Variants in STX2 observed in about 807,000 individuals in gnomAD.
STX2 encodes the protein syntaxin-2.
Under a neutral mutation model 40.6 loss-of-function variants are expected in STX2, and 27 were observed. The ratio of observed to expected loss-of-function variants is 0.66; its 90% CI spans 0.49 to 0.92. The LOEUF (loss-of-function observed/expected upper bound fraction) is 0.92, where lower values mean the gene tolerates loss of function less well. Ranked by LOEUF, STX2 falls within the 40% of genes least tolerant of loss-of-function variation. The pLI, the probability that STX2 is intolerant of heterozygous loss-of-function variation, is 0.00. For synonymous variants in STX2, 123 were observed against 119.1 expected (o/e 1.03, Z -0.22); for missense variants, 328 against 366.1 (o/e 0.90, Z 0.85).
intron 1 of STX2, among the ~76,000 whole-genome samples, chr12:130,830,180 C>T (rs1467467308): frequency 6.6e-6 from 1 of 152,164 alleles, no homozygotes; most frequent in African/African-American, 2.4e-5. Context: ...ACAAGACCAT[C>T]GTGAGGCAAA....
chr12:130,799,591 G>C (rs554448185), intron 8 of STX2, among the ~76,000 whole-genome samples: 1 of 152,136 alleles, frequency 6.6e-6, no homozygotes, highest in South Asian at 2.1e-4. Context: ...AAATCAAAAA[G>C]GAGTAAGATC....
intron 2 of STX2, 76 bp from the exon 3 acceptor site, chr12:130,821,864 AAT>A: frequency 1.2e-6 from 1 of 832,658 alleles, no homozygotes; most frequent in African/African-American, 1.7e-5. Flanking sequence ...AAAGGGGAAG[AAT>A]AAAGGAGGGA....
intron 9 of STX2, among the ~76,000 whole-genome samples, chr12:130,796,654 T>C (rs1227332679): frequency 6.6e-6 from 1 of 152,154 alleles, no homozygotes; most frequent in Non-Finnish European, 1.5e-5. Flanking sequence ...GTTTCATCCA[T>C]GGGGACAGCA....
At chr12:130,794,024 G>A (rs552407107) in intron 10 of STX2, among the ~76,000 whole-genome samples, 1 of 152,198 alleles carries the variant, frequency 6.6e-6, no homozygotes, top group Non-Finnish European at 1.5e-5. Flanking sequence ...ACACTGAGAG[G>A]AGCCTTCTTT....
rs535538326 is a variant in STX2, at chr12:130,816,370, T to TG, written c.206-3340dup. Among the ~76,000 whole-genome samples the TG allele has an allele frequency of 3.6e-3, 554 of 151,910 alleles. 1 individual carries two copies. Among genetic ancestry groups the TG allele is most frequent in the African/African-American group, 0.013 (529 of 41,430 alleles). On this transcript the variant is annotated intron_variant, in intron 3 of 10. Coordinates refer to ENST00000392373, the MANE Select transcript of STX2 (RefSeq NM_194356.4). ...GCCCTTGGCCGTTACACAGCAGGGG[T>TG]GGGGGGCACTCATGACGGAGTGAAC...
intron 1 of STX2, among the ~76,000 whole-genome samples, chr12:130,830,178 A>G (rs547513362): frequency 7.2e-5 from 11 of 152,258 alleles, no homozygotes; most frequent in Non-Finnish European, 1.3e-4. Flanking sequence ...CCACAAGACC[A>G]TCGTGAGGCA....
intron 3 of STX2, among the ~76,000 whole-genome samples, chr12:130,818,686 G>A (rs1951989835): frequency 6.6e-6 from 1 of 152,198 alleles, no homozygotes; most frequent in Non-Finnish European, 1.5e-5. Flanking sequence ...TGCAGACGGT[G>A]CAGACGCTGC....
intron 6 of STX2, among the ~76,000 whole-genome samples, chr12:130,802,133 C>T (rs888168402): frequency 2.0e-5 from 3 of 152,212 alleles, no homozygotes; most frequent in African/African-American, 7.2e-5. Flanking sequence ...CCTGAAGGAG[C>T]TAACTGCGGT....
rs549155942 is a variant in STX2 at position 130,825,174 on chromosome 12, T to C, written c.105+2019A>G. Among the ~76,000 whole-genome samples the C allele has an allele frequency of 9.2e-5, 14 of 152,160 alleles. No homozygotes were observed. In the South Asian group the frequency reaches 1.7e-3, roughly 18 times the overall value. On this transcript the variant is annotated intron_variant, in intron 2 of 10. Transcript: ENST00000392373. Reference sequence around the variant, plus strand: ...ACCACAGCCTCCCAAGCAGCTGGGATTACAGGCACTTGCCATCATGCCTGG... The same window carrying C: ...ACCACAGCCTCCCAAGCAGCTGGGACTACAGGCACTTGCCATCATGCCTGG...
At position 130,801,176 on chromosome 12, in the gene STX2, T is replaced by C. The variant is rs758416557; in HGVS notation, c.652A>G (p.Met218Val). Residue 218 changes from methionine to valine, a missense_variant, in exon 8 of 11, where the codon ATG (methionine) becomes GTG (valine). By Grantham distance (21) the Met-to-Val change is conservative (BLOSUM62 1). Transcript: ENST00000392373. ...ACCTGAGTCTCCACAAACATAGCCA[T>C]GTCCATGAACATCTCATGCAACTCT... ...IRELHEMFMD[M>V]AMFVETQGEM... is the part of the protein sequence containing the mutation. 2.5e-6 allele frequency: 4 copies of C among 1,613,346 alleles called. No individual in the cohort carries two copies. The highest frequency in any genetic ancestry group is 2.2e-5 in the South Asian group (2 of 90,894).
intron 3 of STX2, among the ~76,000 whole-genome samples, chr12:130,816,723 C>G (rs893625724): frequency 1.3e-5 from 2 of 152,090 alleles, no homozygotes; most frequent in African/African-American, 2.4e-5. Context: ...AGAAACCTAA[C>G]AAGGCAGGAA....
intron 8 of STX2, 117 bp from the exon 9 acceptor site, chr12:130,798,752 G>C: frequency 1.6e-6 from 1 of 643,742 alleles, no homozygotes; most frequent in East Asian, 3.1e-5. Context: ...AATGGATACT[G>C]AGGGTTTTTT....
At chr12:130,804,616 C>T (rs928891257) in intron 6 of STX2, among the ~76,000 whole-genome samples, 2 of 152,084 alleles carry the variant, frequency 1.3e-5, no homozygotes, top group Non-Finnish European at 1.5e-5. Context: ...GGCTTCTGTT[C>T]GTACGTCCCT....
At chr12:130,824,430 T>C (rs1952224762) in intron 2 of STX2, among the ~76,000 whole-genome samples, 1 of 152,102 alleles carries the variant, frequency 6.6e-6, no homozygotes, top group African/African-American at 2.4e-5. Flanking sequence ...TACACATATG[T>C]TAGAAAGTAA....
chr12:130,815,373 C>T (rs1379393567), intron 3 of STX2, among the ~76,000 whole-genome samples: 2 of 152,162 alleles, frequency 1.3e-5, no homozygotes, highest in Non-Finnish European at 2.9e-5. Flanking sequence ...AGTTCCTGAG[C>T]GTGACGACGG....
chr12:130,808,488 T>C, intron 5 of STX2, 143 bp downstream of exon 5: 1 of 802,180 alleles, frequency 1.2e-6, no homozygotes, highest in Non-Finnish European at 2.0e-6. Flanking sequence ...TACTTTTGTT[T>C]TACAATACTA....
At chr12:130,810,241 G>A (rs977164145) in intron 4 of STX2, among the ~76,000 whole-genome samples, 1 of 152,176 alleles carries the variant, frequency 6.6e-6, no homozygotes, top group Admixed American at 6.5e-5. Context: ...GGGCATAGTT[G>A]AAAGGAAATA....
At chr12:130,826,053 A>C (rs1408321308) in intron 2 of STX2, among the ~76,000 whole-genome samples, 1 of 152,212 alleles carries the variant, frequency 6.6e-6, no homozygotes, top group Non-Finnish European at 1.5e-5. Flanking sequence ...ATAGGATCCC[A>C]GCACCGCCAG....
chr12:130,798,465 T>C, intron 9 of STX2, 60 bp downstream of exon 9: 1 of 1,271,670 alleles, frequency 7.9e-7, no homozygotes, highest in Non-Finnish European at 1.1e-6. Context: ...CATCAATGTA[T>C]TACAACTTGA....
Sources: gnomAD v4.1 joint callset for allele counts (sites outside exome capture counted in the v4.1 genomes callset) on GRCh38, gnomAD v4.1.1 for gene constraint, MANE v1.5 for transcripts, NCBI Gene and HGNC (gene_info 2026-07-23, HGNC 2026-07-21) for gene names.